Variants in CD300LF observed in about 807,000 individuals in gnomAD.
CD300LF encodes CMRF35-like molecule 1.
A neutral mutation model predicts 32.2 loss-of-function variants in CD300LF; 27 were observed. That is an observed-to-expected ratio of 0.84 (90% confidence interval 0.62 to 1.15). CD300LF has a LOEUF of 1.15. Ranked by LOEUF, CD300LF falls within the 50% of genes most tolerant of loss-of-function variation. CD300LF has a pLI of 0.00. For synonymous variants in CD300LF, 139 were observed against 143.2 expected, an observed-to-expected ratio of 0.97 and a Z score of 0.21; for missense variants, 348 against 356.8, an observed-to-expected ratio of 0.98 and a Z score of 0.20.
chr17:74,695,636 G>T, intron 6 of CD300LF, 89 bp downstream of exon 6: 2 of 1,577,872 alleles, frequency 1.3e-6, no homozygotes, highest in Non-Finnish European at 1.7e-6. Context: ...GCCCACATGA[G>T]CAGGAGAAAG....
At chr17:74,697,932 A>ATG (rs978136162) in intron 4 of CD300LF, among the ~76,000 whole-genome samples, 8 of 152,164 alleles carry the variant, frequency 5.3e-5, no homozygotes, top group Admixed American at 2.0e-4. Context: ...ATGATCGCGC[A>ATG]TGTGTGTGTG....
intron 4 of CD300LF, among the ~76,000 whole-genome samples, chr17:74,696,551 C>G (rs554958035): frequency 3.3e-5 from 5 of 152,226 alleles, no homozygotes; most frequent in Non-Finnish European, 7.3e-5. Context: ...CCAACTCGGC[C>G]TGGAATTCCA....
intron 3 of CD300LF, among the ~76,000 whole-genome samples, chr17:74,699,574 C>T (rs753184474): frequency 1.2e-4 from 18 of 152,066 alleles, no homozygotes; most frequent in African/African-American, 2.4e-4. Context: ...GCCACAAGAC[C>T]GGGAACACAA....
Position 74,697,237 on chromosome 17 carries a change from C to G in CD300LF, c.560-1020G>C, listed in dbSNP as rs2032576970. 2.0e-5 allele frequency among the ~76,000 whole-genome samples: 3 copies of G among 152,280 alleles called. No homozygotes were observed. In the South Asian group the frequency reaches 6.2e-4, roughly 32 times the overall value. ...GAGATTATAGGCATGAGCCACGACACCCAGAGATTGGATTGGATTGTTTTT... is the reference window on the plus strand; with the variant it reads ...GAGATTATAGGCATGAGCCACGACAGCCAGAGATTGGATTGGATTGTTTTT... On this transcript the variant is annotated intron_variant, in intron 4 of 6. Coordinates refer to ENST00000326165, the MANE Select transcript of CD300LF (RefSeq NM_139018.5).
chr17:74,701,023 T>TA (rs1819960127), intron 3 of CD300LF, among the ~76,000 whole-genome samples: 1 of 152,216 alleles, frequency 6.6e-6, no homozygotes, highest in Admixed American at 6.5e-5. Context: ...GATAGCCATC[T>TA]ACAAGCTGAG....
intron 4 of CD300LF, among the ~76,000 whole-genome samples, chr17:74,697,163 C>T (rs960113694): frequency 4.6e-5 from 7 of 152,048 alleles, no homozygotes; most frequent in Admixed American, 1.3e-4. Context: ...AGGCTGGTCT[C>T]GAACTCCTGA....
At chr17:74,702,290 A>T (rs2033124071) in intron 3 of CD300LF, among the ~76,000 whole-genome samples, 1 of 152,162 alleles carries the variant, frequency 6.6e-6, no homozygotes, top group Non-Finnish European at 1.5e-5. Flanking sequence ...CAGGGCACTA[A>T]GAGGCATGAC....
At chr17:74,705,864 G>A (rs2033461612) in intron 1 of CD300LF, among the ~76,000 whole-genome samples, 1 of 152,122 alleles carries the variant, frequency 6.6e-6, no homozygotes, top group Non-Finnish European at 1.5e-5. Flanking sequence ...CAAAGTGTTG[G>A]GATTACAGGC....
chr17:74,702,331 C>T (rs1181598026), intron 3 of CD300LF, among the ~76,000 whole-genome samples: 1 of 152,114 alleles, frequency 6.6e-6, no homozygotes, highest in Non-Finnish European at 1.5e-5. Context: ...CAGAGACTTC[C>T]ATCCAAGCTC....
At chr17:74,697,637 T>G (rs1598211515) in intron 4 of CD300LF, among the ~76,000 whole-genome samples, 1 of 152,106 alleles carries the variant, frequency 6.6e-6, no homozygotes, top group Non-Finnish European at 1.5e-5. Context: ...TACAATTGTG[T>G]GAGAATGTGG....
chr17:74,701,847 C>CAA (rs11321122), intron 3 of CD300LF, among the ~76,000 whole-genome samples: 22 of 86,678 alleles, frequency 2.5e-4, no homozygotes, highest in Admixed American at 1.8e-3. Flanking sequence ...GAGAATCCGT[C>CAA]AAAAAAAAAA....
intron 1 of CD300LF, among the ~76,000 whole-genome samples, chr17:74,705,972 C>T (rs893444794): frequency 6.6e-6 from 1 of 152,114 alleles, no homozygotes. Context: ...AGGCCATTAT[C>T]CTAAGTGAAT....
intron 1 of CD300LF, among the ~76,000 whole-genome samples, chr17:74,707,341 T>C (rs948580866): frequency 6.6e-6 from 1 of 152,230 alleles, no homozygotes; most frequent in African/African-American, 2.4e-5. Context: ...ACCAGATATT[T>C]CTCAAAAGAG....
chr17:74,709,207 A>G (rs993405586), intron 1 of CD300LF, among the ~76,000 whole-genome samples: 3 of 151,892 alleles, frequency 2.0e-5, no homozygotes, highest in Middle Eastern at 3.2e-3. Context: ...CTGGAGACAG[A>G]GCAAGACTGA....
chr17:74,695,311 GA>G, intron 6 of CD300LF, 60 bp from the exon 7 acceptor site: 1 of 1,598,372 alleles, frequency 6.3e-7, no homozygotes, highest in Non-Finnish European at 8.5e-7. Flanking sequence ...TCACGGGGCA[GA>G]GGAGCCCTCG....
At chr17:74,712,593 A>G (rs543043158) in intron 1 of CD300LF, among the ~76,000 whole-genome samples, 1 of 152,308 alleles carries the variant, frequency 6.6e-6, no homozygotes, top group South Asian at 2.1e-4. Context: ...ATTTCACATG[A>G]TCAGCCCCTG....
chr17:74,699,563 C>T (rs989359654), intron 3 of CD300LF, among the ~76,000 whole-genome samples: 2 of 152,144 alleles, frequency 1.3e-5, no homozygotes, highest in African/African-American at 4.8e-5. Context: ...AGAGTGATGC[C>T]GCCACAAGAC....
chr17:74,699,437 AG>A (rs1300329478), intron 3 of CD300LF, among the ~76,000 whole-genome samples: 1 of 152,114 alleles, frequency 6.6e-6, no homozygotes, highest in East Asian at 1.9e-4. Context: ...AGTTAAGATG[AG>A]GTCATAGTTG....
At chr17:74,700,218 G>A (rs955246457) in intron 3 of CD300LF, among the ~76,000 whole-genome samples, 3 of 151,764 alleles carry the variant, frequency 2.0e-5, no homozygotes, top group East Asian at 1.9e-4. Flanking sequence ...AATAAATCCC[G>A]TAACAGCCCC....
Sources: gnomAD v4.1 joint callset for allele counts (sites outside exome capture counted in the v4.1 genomes callset) on GRCh38, gnomAD v4.1.1 for gene constraint, MANE v1.5 for transcripts, NCBI Gene and HGNC (gene_info 2026-07-23, HGNC 2026-07-21) for gene names.